WDR27: variants seen among roughly 807,000 people sequenced by gnomAD.
WDR27 encodes WD repeat domain 27, also known as WD repeat-containing protein 27.
A neutral mutation model predicts 114.4 loss-of-function variants in WDR27; 100 were observed. The ratio of observed to expected loss-of-function variants is 0.87; its 90% CI spans 0.74 to 1.03. The LOEUF (loss-of-function observed/expected upper bound fraction) is 1.03. Ranked by LOEUF, WDR27 falls within the 50% of genes least tolerant of loss-of-function variation. WDR27 has a pLI of 0.00. For synonymous variants in WDR27, 449 were observed against 423.1 expected (o/e 1.06, Z -0.75); for missense variants, 1,129 against 1,092.9 (o/e 1.03, Z -0.47).
chr6:169,459,742 C>T (rs906928568), intron 25 of WDR27, among the ~76,000 whole-genome samples: 6 of 151,996 alleles, frequency 3.9e-5, no homozygotes, highest in African/African-American at 1.4e-4. Flanking sequence ...AGATTATCAG[C>T]AGATTTCTCA....
At chr6:169,598,614 G>A (rs1288239776) in intron 23 of WDR27, among the ~76,000 whole-genome samples, 3 of 152,210 alleles carry the variant, frequency 2.0e-5, no homozygotes, top group Non-Finnish European at 4.4e-5. Context: ...CCAAGAGAAA[G>A]AACGGGGAAA....
intron 21 of WDR27, among the ~76,000 whole-genome samples, chr6:169,625,094 G>T (rs1814462582): frequency 1.3e-5 from 2 of 152,244 alleles, no homozygotes; most frequent in Non-Finnish European, 2.9e-5. Flanking sequence ...CAAAGGCTGA[G>T]TCCTGGAGTG....
chr6:169,670,553 T>A lies in WDR27; in HGVS notation c.456+16A>T. On this transcript the variant is annotated intron_variant, in intron 4 of 25. Coordinates refer to ENST00000448612, the MANE Select transcript of WDR27 (RefSeq NM_182552.5). ...GCTAAACCCTTCCGTGAAATCCACG[T>A]GAATTTCAATCTTACCTCAATATCC... is the stretch of plus-strand genomic sequence containing the variant. 6.2e-7 allele frequency: 1 copy of A among 1,613,918 alleles called. No homozygotes were observed. The highest frequency in any genetic ancestry group is 8.5e-7 in the Non-Finnish European group (1 of 1,179,840).
At position 169,651,998 on chromosome 6, in the gene WDR27, G is replaced by A. The variant is rs764905463; in HGVS notation, c.1413C>T (p.Asn471=). The stretch of plus-strand genomic sequence containing the variant: ...AAACCAGGCGTTGGTCCTTCATGAC[G>A]TTCCGTGCAGCTGTGGAAAGGCAAT... ...AASEQRRAAR[N]VMKDQRLVFH... Residue 471 remains asparagine (N), a synonymous_variant, in exon 14 of 26, where the codon AAC becomes AAT. Coordinates refer to ENST00000448612, the MANE Select transcript of WDR27 (RefSeq NM_182552.5). 3.1e-5 allele frequency: 50 copies of A among 1,613,632 alleles called. No individual in the cohort carries two copies. Among genetic ancestry groups the A allele is most frequent in the Non-Finnish European group, 3.9e-5 (46 of 1,179,838 alleles).
chr6:169,504,252 G>A (rs971247311), intron 25 of WDR27, among the ~76,000 whole-genome samples: 7 of 152,184 alleles, frequency 4.6e-5, no homozygotes, highest in African/African-American at 1.7e-4. Flanking sequence ...TGTGTTAGAT[G>A]AATGTATCAT....
chr6:169,583,520 C>T (rs149232580), intron 23 of WDR27, among the ~76,000 whole-genome samples: 149 of 47,418 alleles, frequency 3.1e-3, no homozygotes, highest in Non-Finnish European at 8.1e-3. Flanking sequence ...TATACACACA[C>T]ACACACACAC....
intron 2 of WDR27, among the ~76,000 whole-genome samples, chr6:169,687,560 A>G (rs1293809102): frequency 6.6e-6 from 1 of 152,180 alleles, no homozygotes; most frequent in Non-Finnish European, 1.5e-5. Flanking sequence ...ATAAAAATAA[A>G]CAAGTGTAGG....
At chr6:169,690,853 G>A (rs565958010) in intron 1 of WDR27, among the ~76,000 whole-genome samples, 6 of 152,166 alleles carry the variant, frequency 3.9e-5, no homozygotes, top group South Asian at 2.1e-4. Context: ...CTGTGTGCAG[G>A]GGGGAGCAGA....
intron 1 of WDR27, among the ~76,000 whole-genome samples, chr6:169,689,690 A>G (rs1783951028): frequency 6.6e-6 from 1 of 152,244 alleles, no homozygotes; most frequent in Non-Finnish European, 1.5e-5. Context: ...CTTCAGAAAC[A>G]TGTGGGAATG....
intron 2 of WDR27, 56 bp downstream of exon 2, chr6:169,688,761 C>G: frequency 7.0e-7 from 1 of 1,419,958 alleles, no homozygotes; most frequent in Non-Finnish European, 9.4e-7. Context: ...GCATCAAAGA[C>G]ATGGAGAGAC....
intron 25 of WDR27, among the ~76,000 whole-genome samples, chr6:169,497,844 T>G (rs1790612554): frequency 6.6e-6 from 1 of 152,098 alleles, no homozygotes; most frequent in African/African-American, 2.4e-5. Flanking sequence ...AGCATGGCAT[T>G]TTTTTCCAAA....
chr6:169,571,027 T>C (rs2128127056), intron 25 of WDR27, among the ~76,000 whole-genome samples: 1 of 152,156 alleles, frequency 6.6e-6, no homozygotes, highest in African/African-American at 2.4e-5. Context: ...CAATTATGAG[T>C]TCTTAGAAAG....
At chr6:169,456,835 C>A (rs1279375498), downstream of WDR27, among the ~76,000 whole-genome samples, 3 of 151,332 alleles carry the variant, frequency 2.0e-5, no homozygotes, top group Non-Finnish European at 4.4e-5. The surrounding 1 kb of genome is among the most constrained non-coding windows in gnomAD (Gnocchi z 4.0). Context: ...ACAGAACCCA[C>A]GGACACAGCC....
rs567208464 is a variant in WDR27, at chr6:169,565,272, G to A, written c.2645+7147C>T. Among the ~76,000 whole-genome samples the A allele has an allele frequency of 7.9e-5, 12 of 152,258 alleles. No individual in the cohort carries two copies. In the East Asian group the frequency reaches 2.1e-3, roughly 27 times the overall value. ...CCAAATGCAAAGCCTAATTTTTGGG[G>A]GGCAAAATTTTATACCAAGATTAAA... On this transcript the variant is annotated intron_variant, in intron 25 of 25. Coordinates refer to ENST00000448612, the MANE Select transcript of WDR27 (RefSeq NM_182552.5).
chr6:169,554,721 C>T lies in WDR27; in HGVS notation c.2645+17698G>A, dbSNP rs145484895. Among the ~76,000 whole-genome samples, 801 of 152,244 alleles carry T rather than the reference C, an allele frequency of 5.3e-3. 2 individuals carry two copies. The highest frequency in any genetic ancestry group is 7.6e-3 in the Admixed American group (116 of 15,300). ...CTGGTCAACCACCACCATGTGCAAC[C>T]GTAAAAGGGGATTCGCTGTACTTTC... On this transcript the variant is annotated intron_variant, in intron 25 of 25. Coordinates refer to ENST00000448612, the MANE Select transcript of WDR27 (RefSeq NM_182552.5).
intron 21 of WDR27, among the ~76,000 whole-genome samples, chr6:169,630,764 C>T (rs372695660): frequency 7.8e-4 from 118 of 152,114 alleles, no homozygotes; most frequent in African/African-American, 2.6e-3. Flanking sequence ...CGTGGTGGCA[C>T]GCGCCTGTAA....
intron 1 of WDR27, among the ~76,000 whole-genome samples, chr6:169,692,016 A>G (rs189939526): frequency 6.6e-6 from 1 of 152,264 alleles, no homozygotes; most frequent in African/African-American, 2.4e-5. Flanking sequence ...TGCAAATTCC[A>G]TGAGACAGGC....
At chr6:169,516,383 G>A (rs531256587) in intron 25 of WDR27, among the ~76,000 whole-genome samples, 5 of 152,276 alleles carry the variant, frequency 3.3e-5, no homozygotes, top group African/African-American at 1.2e-4. Context: ...ATAATTTACT[G>A]TGACCTATCT....
chr6:169,588,649 T>C (rs1805103384), intron 23 of WDR27, among the ~76,000 whole-genome samples: 1 of 152,234 alleles, frequency 6.6e-6, no homozygotes, highest in African/African-American at 2.4e-5. Flanking sequence ...TTGAAAAGTA[T>C]TCCCGTGCAG....
Sources: gnomAD v4.1 joint callset for allele counts (sites outside exome capture counted in the v4.1 genomes callset) on GRCh38, gnomAD v4.1.1 for gene constraint, Gnocchi (gnomAD v3.1) non-coding constraint, MANE v1.5 for transcripts, NCBI Gene and HGNC (gene_info 2026-07-23, HGNC 2026-07-21) for gene names.